Variants in CCDC88C observed in about 807,000 individuals in gnomAD.
The protein encoded by CCDC88C is protein Daple.
A neutral mutation model predicts 198.8 loss-of-function variants in CCDC88C; 131 were observed. That is an observed-to-expected ratio of 0.66 (90% CI 0.57 to 0.76). The LOEUF (loss-of-function observed/expected upper bound fraction) is 0.76, where lower values mean the gene tolerates loss of function less well. Among genes scored for constraint, CCDC88C ranks in the 30% least tolerant of loss-of-function variants. The pLI, the probability that CCDC88C is intolerant of heterozygous loss-of-function variation, is 0.00. For missense variants in CCDC88C, 2,553 were observed against 2,631.6 expected, an observed-to-expected ratio of 0.97 and a Z score of 0.65; for synonymous variants, 1,166 against 1,114.7, an observed-to-expected ratio of 1.05 and a Z score of -0.92.
In CCDC88C at chr14:91,363,286, T is replaced by C. The variant is rs544339212; in HGVS notation, c.271-3575A>G. Among the ~76,000 whole-genome samples the C allele has an allele frequency of 6.2e-4, 94 of 152,288 alleles. 2 individuals carry two copies. In the South Asian group the frequency reaches 0.02, roughly 32 times the overall value. ...ATAAAAATGTATTATTTTACTTTTT[T>C]TTTTTGGAGAGAGGGGGTTTCACCA... On this transcript the variant is annotated intron_variant, in intron 3 of 29. Transcript: ENST00000389857.
At position 91,339,298 on chromosome 14, in the gene CCDC88C, C is replaced by T. The variant is rs1353653541; in HGVS notation, c.789G>A (p.Leu263=). The part of the protein sequence containing the change: ...AVELADTKAR[L]RRVRQELEDK... ...CTCACAGCTCCTGCCTGACGCGCCGCAGCCTGGCCTTGGTGTCGGCCAGCT... is the reference window on the plus strand; with the variant it reads ...CTCACAGCTCCTGCCTGACGCGCCGTAGCCTGGCCTTGGTGTCGGCCAGCT... The change falls in exon 8 of 30, where the codon CTG becomes CTA. Residue 263 remains leucine, a synonymous_variant. Transcript: ENST00000389857. The surrounding 1 kb of genome is among the most constrained non-coding windows in gnomAD (Gnocchi z 5.8). 3 of 1,612,920 alleles carry T rather than the reference C, an allele frequency of 1.9e-6. No homozygotes were observed. Among genetic ancestry groups the T allele is most frequent in the African/African-American group, 2.7e-5 (2 of 74,926 alleles).
At position 91,352,038 on chromosome 14, in the gene CCDC88C, G is replaced by A. The variant is rs1893828539; in HGVS notation, c.340+7604C>T. On this transcript the variant is annotated intron_variant, in intron 4 of 29. Transcript: ENST00000389857. This position sits in a 1 kb window ranked among gnomAD's most constrained non-coding sequence, Gnocchi z 4.2. ...AGCTTGAGACTCAAGTTTGCCCTGG[G>A]AAGGGGCGAGGAGCTAGGGCAGGCA... Among the ~76,000 whole-genome samples the A allele has an allele frequency of 6.6e-6, 1 of 152,242 alleles. No homozygotes were observed. The highest frequency in any genetic ancestry group is 6.5e-5 in the Admixed American group (1 of 15,288).
chr14:91,282,837 G>A (rs986842763), intron 26 of CCDC88C, among the ~76,000 whole-genome samples: 1 of 152,340 alleles, frequency 6.6e-6, no homozygotes, highest in Middle Eastern at 3.4e-3. Context: ...CAAGGCAAGA[G>A]CATTGCTTGA....
chr14:91,382,579 T>C (rs1439121748), intron 3 of CCDC88C, among the ~76,000 whole-genome samples: 1 of 152,134 alleles, frequency 6.6e-6, no homozygotes, highest in Non-Finnish European at 1.5e-5. Flanking sequence ...ATCTAGCAGG[T>C]GAGGCAGAGA....
rs1440364583 is a variant in CCDC88C, at chr14:91,300,131, C to T, written c.3636-61G>A. The T allele has an allele frequency of 2.6e-6, 4 of 1,565,466 alleles. 1 individual carries two copies. The highest frequency in any genetic ancestry group is 3.5e-6 in the Non-Finnish European group (4 of 1,157,698). ...GGGCCTTCTTTTCCGACAGGTAACT[C>T]ACATCCCAGAGGATCTGCGTGCCTC... On this transcript the variant is annotated intron_variant, in intron 20 of 29. Coordinates refer to ENST00000389857, the MANE Select transcript of CCDC88C (RefSeq NM_001080414.4).
chr14:91,282,968 C>T lies in CCDC88C; in HGVS notation c.4630+361G>A, dbSNP rs190705156. 4.6e-4 allele frequency among the ~76,000 whole-genome samples: 70 copies of T among 152,300 alleles called. 1 individual carries two copies. Among genetic ancestry groups the T allele is most frequent in the African/African-American group, 1.7e-3 (69 of 41,554 alleles). ...ATTTATCTTCTCTCGAGAAAAAAAC[C>T]CCAAACTTTTACCAAGGTAGGGCAA... On this transcript the variant is annotated intron_variant, in intron 26 of 29. Transcript: ENST00000389857.
At chr14:91,375,309 G>A (rs764348342) in intron 3 of CCDC88C, among the ~76,000 whole-genome samples, 11 of 152,302 alleles carry the variant, frequency 7.2e-5, no homozygotes, top group Non-Finnish European at 1.5e-4. Context: ...GACAGGCTGT[G>A]TGAACAGCCT....
At chr14:91,328,340 C>G (rs1892663117) in intron 10 of CCDC88C, among the ~76,000 whole-genome samples, 1 of 152,208 alleles carries the variant, frequency 6.6e-6, no homozygotes, top group Non-Finnish European at 1.5e-5. Context: ...AATGAGAAGC[C>G]AGATCCAGAA....
intron 4 of CCDC88C, among the ~76,000 whole-genome samples, chr14:91,351,015 C>T (rs1481711247): frequency 1.3e-5 from 2 of 152,152 alleles, no homozygotes; most frequent in Non-Finnish European, 2.9e-5. Context: ...CCTTCCAAAG[C>T]AGGGAGCTAT....
rs1445379452 is a variant in CCDC88C, at chr14:91,381,785, G to A, written c.271-22074C>T. Among the ~76,000 whole-genome samples the A allele has an allele frequency of 1.3e-5, 2 of 152,164 alleles. No homozygotes were observed. Among genetic ancestry groups the A allele is most frequent in the Non-Finnish European group, 2.9e-5 (2 of 68,034 alleles). On this transcript the variant is annotated intron_variant, in intron 3 of 29. Coordinates refer to ENST00000389857, the MANE Select transcript of CCDC88C (RefSeq NM_001080414.4). The surrounding 1 kb of genome is among the most constrained non-coding windows in gnomAD (Gnocchi z 4.2). ...GGAGGCAGAGGTTGCGGTGAGCCAA[G>A]ATCGTGCCAGCCAGGGCAACGGAGC...
chr14:91,344,791 G>A (rs1363992170), intron 4 of CCDC88C, among the ~76,000 whole-genome samples: 14 of 150,514 alleles, frequency 9.3e-5, no homozygotes, highest in South Asian at 2.1e-4. Context: ...GAGCCACCGC[G>A]CCCGGCCCCT....
intron 3 of CCDC88C, among the ~76,000 whole-genome samples, chr14:91,401,312 T>C (rs1285827): frequency 0.26 from 35,333 of 135,646 alleles, 5,460 homozygotes; most frequent in East Asian, 0.51. Context: ...AATGTATATA[T>C]TTATTATATA....
chr14:91,309,024 C>T (rs898409121), intron 16 of CCDC88C, among the ~76,000 whole-genome samples: 2 of 152,110 alleles, frequency 1.3e-5, no homozygotes, highest in Admixed American at 6.5e-5. Context: ...GTCAGGCGTT[C>T]GAGACCAGTC....
rs749044163 is a variant in CCDC88C at position 91,338,482 on chromosome 14, G to A, written c.891+7C>T. 99 of 1,560,002 alleles carry A rather than the reference G, an allele frequency of 6.3e-5. No homozygotes were observed. The highest frequency in any genetic ancestry group is 7.9e-5 in the Non-Finnish European group (91 of 1,152,040). On this transcript the variant is annotated splice_region_variant and intron_variant, in intron 9 of 29. Transcript: ENST00000389857. This position sits in a 1 kb window ranked among gnomAD's most constrained non-coding sequence, Gnocchi z 4.8. Reference sequence around the variant, plus strand: ...CCAGGACACACAGGCTCAGGCCCCCGACTCACCTCCTGCTTAACTTTCTGC... The same window carrying A: ...CCAGGACACACAGGCTCAGGCCCCCAACTCACCTCCTGCTTAACTTTCTGC...
intron 23 of CCDC88C, among the ~76,000 whole-genome samples, chr14:91,293,510 C>CACTT (rs1890827623): frequency 1.2e-4 from 1 of 8,580 alleles, no homozygotes; most frequent in Non-Finnish European, 2.2e-4. Context: ...CTGCCACGGC[C>CACTT]TACCTTCCTG....
At chr14:91,351,932 G>A (rs968457675) in intron 4 of CCDC88C, among the ~76,000 whole-genome samples, 17 of 152,198 alleles carry the variant, frequency 1.1e-4, no homozygotes, top group African/African-American at 3.6e-4. Flanking sequence ...TGCCTGCCAC[G>A]CCTGCAGAAG....
At chr14:91,385,512 T>C (rs1885078998) in intron 3 of CCDC88C, among the ~76,000 whole-genome samples, 1 of 151,998 alleles carries the variant, frequency 6.6e-6, no homozygotes, top group African/African-American at 2.4e-5. Context: ...GAGGTGAGGG[T>C]TTCCGTGCCC....
At chr14:91,355,940 C>T (rs1156937948) in intron 4 of CCDC88C, among the ~76,000 whole-genome samples, 1 of 151,992 alleles carries the variant, frequency 6.6e-6, no homozygotes, top group Non-Finnish European at 1.5e-5. Context: ...AGAAAAGTTA[C>T]CCCAAACTAT....
intron 3 of CCDC88C, among the ~76,000 whole-genome samples, chr14:91,368,072 G>C (rs1894623120): frequency 6.6e-6 from 1 of 152,168 alleles, no homozygotes; most frequent in Non-Finnish European, 1.5e-5. Context: ...AGTGACAGTT[G>C]GGAAAATTAA....
Sources: gnomAD v4.1 joint callset for allele counts (sites outside exome capture counted in the v4.1 genomes callset) on GRCh38, gnomAD v4.1.1 for gene constraint, Gnocchi (gnomAD v3.1) non-coding constraint, MANE v1.5 for transcripts, NCBI Gene and HGNC (gene_info 2026-07-23, HGNC 2026-07-21) for gene names.